Variants in PAK3 observed in about 807,000 individuals in gnomAD.
PAK3 encodes the protein p21 (RAC1) activated kinase 3, also known as serine/threonine-protein kinase PAK 3.
In PAK3, 4 loss-of-function variants were observed where a neutral mutation model predicts 41.0. That is an observed-to-expected ratio of 0.10 (90% CI 0.05 to 0.22). The LOEUF is 0.22. Among genes scored for constraint, PAK3 ranks in the 10% least tolerant of loss-of-function variants. PAK3 has a pLI of 1.00. For synonymous variants in PAK3, 146 were observed against 139.6 expected (o/e 1.05, Z -0.32); for missense variants, 205 against 409.9 (o/e 0.50, Z 4.32).
intron 1 of PAK3, among the ~76,000 whole-genome samples, chrX:110,995,690 A>T (rs1270049004): frequency 9.0e-6 from 1 of 111,074 alleles, no homozygotes; most frequent in Non-Finnish European, 1.9e-5. Context: ...GTATAAATTC[A>T]TATTTCCTTC....
intron 1 of PAK3, among the ~76,000 whole-genome samples, chrX:111,051,488 C>A (rs1006516277): frequency 8.9e-6 from 1 of 111,810 alleles, no homozygotes; most frequent in Non-Finnish European, 1.9e-5. Flanking sequence ...GCTTTATTTT[C>A]GCTTTCCTCT....
At chrX:110,983,480 C>G (rs34616270) in intron 1 of PAK3, among the ~76,000 whole-genome samples, 8 of 99,631 alleles carry the variant, frequency 8.0e-5, no homozygotes, top group Non-Finnish European at 1.4e-4. Context: ...AAGAGAAAGA[C>G]AGAGAGAGAG....
intron 11 of PAK3, among the ~76,000 whole-genome samples, chrX:111,176,951 T>A (rs73640316): frequency 0.032 from 2,476 of 77,194 alleles, 86 homozygotes; most frequent in African/African-American, 0.11. Context: ...ATATTGACTT[T>A]TTTCTTTCTG....
At chrX:110,994,603 C>A (rs2091708568) in intron 1 of PAK3, among the ~76,000 whole-genome samples, 1 of 111,870 alleles carries the variant, frequency 8.9e-6, no homozygotes, top group African/African-American at 3.3e-5. Context: ...ATGTTCACAC[C>A]TTTATTCCTC....
chrX:110,958,200 C>T (rs1038849054), intron 1 of PAK3, among the ~76,000 whole-genome samples: 5 of 111,768 alleles, frequency 4.5e-5, no homozygotes, highest in South Asian at 3.8e-4. Context: ...GACAGTGAAC[C>T]GGGAGAAAGT....
At chrX:111,049,904 G>A (rs997119176) in intron 1 of PAK3, among the ~76,000 whole-genome samples, 2 of 111,244 alleles carry the variant, frequency 1.8e-5, no homozygotes, top group Non-Finnish European at 3.8e-5. Context: ...CATCCTCTGA[G>A]GCGTCTGGGA....
intron 1 of PAK3, among the ~76,000 whole-genome samples, chrX:111,054,651 C>A (rs1014313355): frequency 1.9e-4 from 21 of 111,711 alleles, no homozygotes; most frequent in Non-Finnish European, 1.9e-4. Flanking sequence ...TCATGCTATT[C>A]CTGGAATAGT....
At chrX:111,112,217 C>G (rs1418062063) in intron 4 of PAK3, among the ~76,000 whole-genome samples, 2 of 110,624 alleles carry the variant, frequency 1.8e-5, no homozygotes, top group Non-Finnish European at 3.8e-5. Context: ...TAATTCGTCT[C>G]TATGGATCTT....
At chrX:111,139,718 C>T (rs1205394318) in intron 5 of PAK3, among the ~76,000 whole-genome samples, 1 of 111,827 alleles carries the variant, frequency 8.9e-6, no homozygotes, top group East Asian at 2.8e-4. Context: ...TAACTCAGCC[C>T]AAGTGGAGTG....
intron 10 of PAK3, among the ~76,000 whole-genome samples, chrX:111,167,958 C>T (rs1009468189): frequency 1.0e-4 from 11 of 110,492 alleles, no homozygotes; most frequent in African/African-American, 3.3e-4. Context: ...AATTTGTCTT[C>T]AACCTCCTTC....
chrX:110,973,800 G>A (rs904110145), intron 1 of PAK3, among the ~76,000 whole-genome samples: 1 of 111,760 alleles, frequency 8.9e-6, no homozygotes, highest in African/African-American at 3.3e-5. Context: ...ACCCATCAGT[G>A]TGCTTATTCA....
intron 8 of PAK3, among the ~76,000 whole-genome samples, chrX:111,157,701 C>A (rs1047329035): frequency 9.2e-6 from 1 of 109,100 alleles, no homozygotes; most frequent in Non-Finnish European, 1.9e-5. Context: ...GCAGGAGAAT[C>A]GCTTGAACCC....
intron 1 of PAK3, among the ~76,000 whole-genome samples, chrX:111,054,267 A>G (rs979994522): frequency 2.7e-5 from 3 of 112,496 alleles, no homozygotes; most frequent in African/African-American, 9.7e-5. Context: ...AACCATCTCC[A>G]GAGGAGGATC....
rs1030166329 is a variant in PAK3 at position 111,076,945 on chromosome X, A to C, written c.-27-46132A>C. ...AAATCCCAGAAACTCCACCAAAAAA[A>C]ACTCTTGGAAATTATAAATTCAGTA... is the stretch of plus-strand genomic sequence containing the variant. On this transcript the variant is annotated intron_variant, in intron 1 of 14. Transcript: ENST00000425146. Among the ~76,000 whole-genome samples the C allele has an allele frequency of 2.1e-4, 23 of 111,685 alleles. 1 individual carries two copies. The highest frequency in any genetic ancestry group is 7.5e-4 in the African/African-American group (23 of 30,744).
chrX:111,165,440 A>T (rs2094242778), intron 10 of PAK3, among the ~76,000 whole-genome samples: 1 of 112,033 alleles, frequency 8.9e-6, no homozygotes, highest in Non-Finnish European at 1.9e-5. Flanking sequence ...GTAAGCTTTA[A>T]AAGGCTTAAC....
intron 1 of PAK3, among the ~76,000 whole-genome samples, chrX:110,980,075 T>G (rs996146842): frequency 4.5e-5 from 5 of 112,155 alleles, no homozygotes; most frequent in African/African-American, 1.3e-4. Context: ...CACTCCATCC[T>G]CAAAACCATC....
At chrX:111,028,578 T>G (rs984481232) in intron 1 of PAK3, among the ~76,000 whole-genome samples, 1 of 111,479 alleles carries the variant, frequency 9.0e-6, no homozygotes, top group African/African-American at 3.3e-5. Flanking sequence ...AATTAAAAAT[T>G]GAAGCCTGTT....
chrX:111,140,932 G>A (rs1053307373), intron 5 of PAK3, among the ~76,000 whole-genome samples: 2 of 111,721 alleles, frequency 1.8e-5, no homozygotes, highest in Non-Finnish European at 3.8e-5. Flanking sequence ...ATCCATATAC[G>A]GTTGAATGTT....
chrX:111,023,636 T>C (rs930796005), intron 1 of PAK3, among the ~76,000 whole-genome samples: 4 of 112,601 alleles, frequency 3.6e-5, no homozygotes, highest in South Asian at 3.7e-4. Flanking sequence ...ATTTCTCTAA[T>C]GACCAGTGAT....
Sources: allele counts gnomAD v4.1 joint callset (sites outside exome capture counted in the v4.1 genomes callset), GRCh38; gene constraint gnomAD v4.1.1; transcripts MANE v1.5; gene names NCBI Gene and HGNC (gene_info 2026-07-23, HGNC 2026-07-21).